The following SMG6 variants were observed in gnomAD, a reference collection of about 807,000 sequenced individuals.
SMG6 encodes the protein SMG6 nonsense mediated mRNA decay factor.
A neutral mutation model predicts 142.2 loss-of-function variants in SMG6; 66 were observed. The ratio of observed to expected loss-of-function variants is 0.46; its 90% CI spans 0.38 to 0.57. The LOEUF (loss-of-function observed/expected upper bound fraction) is 0.57. Among genes scored for constraint, SMG6 ranks in the 20% least tolerant of loss-of-function variants. SMG6 has a pLI of 0.00. For synonymous variants in SMG6, 779 were observed against 702.4 expected, an observed-to-expected ratio of 1.11 and a Z score of -1.72; for missense variants, 1,793 against 1,832.0, an observed-to-expected ratio of 0.98 and a Z score of 0.39.
intron 13 of SMG6, among the ~76,000 whole-genome samples, chr17:2,135,871 G>A (rs2070278916): frequency 6.6e-6 from 1 of 151,856 alleles, no homozygotes; most frequent in Admixed American, 6.6e-5. Flanking sequence ...ATTTTGTGTA[G>A]AGATGGAATC....
Position 2,292,960 on chromosome 17 carries a change from G to C in SMG6, c.2169C>G (p.Ile723Met), listed in dbSNP as rs764702246. 1 of 1,613,792 alleles carries C rather than the reference G, an allele frequency of 6.2e-7. No individual in the cohort carries two copies. Among genetic ancestry groups the C allele is most frequent in the South Asian group, 1.1e-5 (1 of 91,078 alleles). ...PLRKTVKYAL[I>M]SAQRCMICQG... ...GGCATATCATGCATCGCTGGGCACT[G>C]ATCAAGGCATATTTTACCTTCAGGA... Residue 723 changes from isoleucine (I) to methionine (M), a missense_variant, in exon 5 of 19, where the codon ATC (isoleucine) becomes ATG (methionine). Transcript: ENST00000263073.
chr17:2,295,203 G>A (rs910568709), intron 4 of SMG6, among the ~76,000 whole-genome samples: 1 of 152,106 alleles, frequency 6.6e-6, no homozygotes, highest in African/African-American at 2.4e-5. Flanking sequence ...CAGTAAGAAA[G>A]TGTGTATGTA....
chr17:2,241,939 C>G (rs1350414527), intron 9 of SMG6, among the ~76,000 whole-genome samples: 1 of 152,150 alleles, frequency 6.6e-6, no homozygotes, highest in Non-Finnish European at 1.5e-5. Context: ...CTTTGTCTCC[C>G]AGGGAACACG....
intron 12 of SMG6, among the ~76,000 whole-genome samples, chr17:2,175,100 C>T (rs1440320512): frequency 2.6e-5 from 4 of 152,216 alleles, no homozygotes; most frequent in Admixed American, 2.0e-4. Flanking sequence ...TCCAGTTCCC[C>T]GCTTCCTCCC....
intron 12 of SMG6, among the ~76,000 whole-genome samples, chr17:2,179,955 T>G (rs1000541825): frequency 6.6e-6 from 1 of 152,176 alleles, no homozygotes; most frequent in African/African-American, 2.4e-5. Flanking sequence ...GGTTTGGATG[T>G]TCTCAAAGTC....
intron 10 of SMG6, among the ~76,000 whole-genome samples, chr17:2,217,138 C>A (rs953466247): frequency 1.3e-5 from 2 of 152,122 alleles, no homozygotes; most frequent in Non-Finnish European, 2.9e-5. Flanking sequence ...AAGTAATTTG[C>A]ATAACACAGC....
chr17:2,179,560 A>T (rs1423325855), intron 12 of SMG6, among the ~76,000 whole-genome samples: 1 of 149,920 alleles, frequency 6.7e-6, no homozygotes, highest in African/African-American at 2.5e-5. Flanking sequence ...ATGGAAAAGC[A>T]GCAAGTACAA....
intron 8 of SMG6, among the ~76,000 whole-genome samples, chr17:2,280,228 GGATA>G (rs960063718): frequency 6.6e-6 from 1 of 151,978 alleles, no homozygotes; most frequent in Non-Finnish European, 1.5e-5. Context: ...GTGGTTTCCT[GGATA>G]GATAAATGAA....
chr17:2,292,752 G>T, intron 5 of SMG6, 119 bp downstream of exon 5: 3 of 1,416,108 alleles, frequency 2.1e-6, no homozygotes, highest in Non-Finnish European at 3.0e-6. Context: ...GAGGGGTAAG[G>T]CATGACTACA....
chr17:2,132,939 G>C (rs2151551440), intron 13 of SMG6, among the ~76,000 whole-genome samples: 2 of 152,282 alleles, frequency 1.3e-5, no homozygotes, highest in Middle Eastern at 6.8e-3. Context: ...GTGCTACCAT[G>C]TCTGGCTAAT....
intron 13 of SMG6, chr17:2,101,182 G>C (rs1352757087): frequency 1.3e-5 from 2 of 152,204 alleles, no homozygotes; most frequent in African/African-American, 4.8e-5. Context: ...CTGCAACCTT[G>C]AACTCCTGGA....
At chr17:2,171,304 A>C (rs1219015314) in intron 13 of SMG6, among the ~76,000 whole-genome samples, 1 of 151,712 alleles carries the variant, frequency 6.6e-6, no homozygotes, top group Non-Finnish European at 1.5e-5. Context: ...AAATAAAAAC[A>C]AATAGTATAT....
intron 10 of SMG6, among the ~76,000 whole-genome samples, chr17:2,230,151 A>C (rs1597656679): frequency 2.4e-5 from 3 of 125,134 alleles, no homozygotes; most frequent in African/African-American, 9.2e-5. Context: ...GTGCCACTGC[A>C]CTCCAGCCTG....
intron 13 of SMG6, among the ~76,000 whole-genome samples, chr17:2,134,126 A>C (rs182235885): frequency 1.7e-4 from 26 of 152,264 alleles, no homozygotes; most frequent in Admixed American, 1.7e-3. Flanking sequence ...TCTCAGATAA[A>C]TCAGTCTAAG....
chr17:2,267,304 G>C (rs1341783584), intron 8 of SMG6, among the ~76,000 whole-genome samples: 1 of 151,898 alleles, frequency 6.6e-6, no homozygotes, highest in African/African-American at 2.4e-5. Context: ...TTCCAGACCA[G>C]AGTATTCTCC....
At chr17:2,170,018 C>A (rs182343463) in intron 13 of SMG6, among the ~76,000 whole-genome samples, 3 of 152,164 alleles carry the variant, frequency 2.0e-5, no homozygotes, top group South Asian at 2.1e-4. Context: ...CCAAGAATAA[C>A]CCCAAGCATT....
chr17:2,130,778 G>A (rs1015554637), intron 13 of SMG6, among the ~76,000 whole-genome samples: 11 of 151,240 alleles, frequency 7.3e-5, no homozygotes, highest in African/African-American at 2.2e-4. Context: ...TAGGCCAGGC[G>A]GGTGGATCAC....
In SMG6 at chr17:2,298,921, T is replaced by C; in HGVS notation, c.1832A>G (p.Lys611Arg). 1.9e-6 allele frequency: 3 copies of C among 1,613,520 alleles called. No homozygotes were observed. Among genetic ancestry groups the C allele is most frequent in the Non-Finnish European group, 1.7e-6 (2 of 1,179,648 alleles). ...CACATCATACCTGAGTTGCGCCATC[T>C]TCTCCAGGCCCTCCGGACTGATGCG... ...RDRISPEGLE[K>R]MAQLRAELLQ... The change falls in exon 2 of 19, where the codon AAG (lysine) becomes AGG (arginine). Residue 611 changes from lysine (K) to arginine (R), a missense_variant. Around this residue, in one of 3 missense-constraint regions of SMG6, gnomAD observed 1,597 missense variants for 1,584.6 expected, o/e 1.01. Coordinates refer to ENST00000263073, the MANE Select transcript of SMG6 (RefSeq NM_017575.5).
At chr17:2,132,504 C>G (rs1886383803) in intron 13 of SMG6, among the ~76,000 whole-genome samples, 1 of 152,050 alleles carries the variant, frequency 6.6e-6, no homozygotes, top group African/African-American at 2.4e-5. Context: ...CCTGCTACAA[C>G]TCATAAGAGT....
Sources: gnomAD v4.1 joint callset for allele counts (sites outside exome capture counted in the v4.1 genomes callset) on GRCh38, gnomAD v4.1.1 for gene constraint, gnomAD v4.1.1 regional missense constraint, MANE v1.5 for transcripts, NCBI Gene and HGNC (gene_info 2026-07-23, HGNC 2026-07-21) for gene names.